Variants in ASMT observed in about 807,000 individuals in gnomAD.
The protein encoded by ASMT is acetylserotonin N-methyltransferase.
In ASMT, 53 loss-of-function variants were observed where a neutral mutation model predicts 41.3. That is an observed-to-expected ratio of 1.28 (90% CI 1.03 to 1.61). The LOEUF (loss-of-function observed/expected upper bound fraction) is 1.61. Among genes scored for constraint, ASMT ranks in the 40% most tolerant of loss-of-function variants. The probability of loss-of-function intolerance (pLI) is 0.00; values close to 1 mark genes in which losing one functional copy is unlikely to be tolerated. For synonymous variants in ASMT, 231 were observed against 184.8 expected (o/e 1.25, Z -2.03); for missense variants, 531 against 441.3 (o/e 1.20, Z -1.82).
intron 7 of ASMT, 157 bp from the exon 8 acceptor site, chrX:1,636,281 A>T: frequency 1.8e-6 from 2 of 1,100,374 alleles, no homozygotes; most frequent in Non-Finnish European, 2.8e-6. Context: ...TCTTTCTCCT[A>T]AGCCTTTTTG....
At chrX:1,627,334 A>G (rs1430483632) in intron 3 of ASMT, among the ~76,000 whole-genome samples, 1 of 139,660 alleles carries the variant, frequency 7.2e-6, no homozygotes, top group Non-Finnish European at 1.5e-5. Context: ...TCCTAAAATA[A>G]AATAAGGCCA....
At position 1,629,879 on chromosome X, in the gene ASMT, G is replaced by C; in HGVS notation, c.502G>C (p.Gly168Arg). ...QALQEVWSVN[G>R]RSVLTAFDLS... ...TCTGCAGGAGGTCTGGAGCGTCAAC[G>C]GGAGAAGCGTGCTGACCGCCTTTGA... Residue 168 changes from glycine to arginine, a missense_variant, in exon 5 of 9, where the codon GGG (glycine) becomes CGG (arginine). By Grantham distance (125) the Gly-to-Arg change is moderately radical (BLOSUM62 -2). Transcript: ENST00000381241. The C allele has an allele frequency of 6.2e-7, 1 of 1,613,960 alleles. No individual in the cohort carries two copies. Among genetic ancestry groups the C allele is most frequent in the East Asian group, 2.2e-5 (1 of 44,886 alleles).
chrX:1,630,786 G>A (rs1233179665), intron 5 of ASMT, among the ~76,000 whole-genome samples: 2 of 151,954 alleles, frequency 1.3e-5, no homozygotes, highest in Non-Finnish European at 2.9e-5. Context: ...TCAGACTCCT[G>A]GGCTCATGCA....
At chrX:1,625,503 G>A (rs772706273) in intron 3 of ASMT, among the ~76,000 whole-genome samples, 36 of 126,504 alleles carry the variant, frequency 2.8e-4, no homozygotes, top group Admixed American at 9.6e-5. Flanking sequence ...TCAGAAAGAA[G>A]GAAACAGAAA....
In ASMT at chrX:1,615,068, C is replaced by A; in HGVS notation, c.-132C>A. Reference sequence around the variant, plus strand: ...AGAGTGATCCGTCTTTGTTTGAGTACTGGGCAGGCAGCAGGGAGAGTCAGG... The same window carrying A: ...AGAGTGATCCGTCTTTGTTTGAGTAATGGGCAGGCAGCAGGGAGAGTCAGG... On this transcript the variant is annotated 5_prime_UTR_variant, in exon 1 of 9. It adds an upstream start codon to the 5' untranslated region. Coordinates refer to ENST00000381241, the MANE Select transcript of ASMT (RefSeq NM_001171038.2). The A allele has an allele frequency of 2.6e-6, 2 of 762,052 alleles. No individual in the cohort carries two copies. Among genetic ancestry groups the A allele is most frequent in the African/African-American group, 1.7e-5 (1 of 58,392 alleles). 47.2% of individuals were successfully genotyped at this position (762,052 alleles called of 1,614,324 possible). A position where few individuals can be genotyped will look rare whatever the true frequency, so the allele number is the denominator to read the frequency against.
intron 3 of ASMT, among the ~76,000 whole-genome samples, 180 bp from the exon 4 acceptor site, chrX:1,627,523 A>C (rs1200308203): frequency 1.3e-5 from 2 of 151,912 alleles, no homozygotes; most frequent in East Asian, 3.9e-4. Flanking sequence ...CGGGAGGCTG[A>C]GGCAGGAGAA....
chrX:1,615,405 C>T (rs767228302), intron 1 of ASMT, 137 bp downstream of exon 1: 24 of 906,668 alleles, frequency 2.6e-5, no homozygotes, highest in Middle Eastern at 2.5e-4. Context: ...AGACGTACAC[C>T]CACGATGTAG....
chrX:1,615,393 A>T (rs1701869771), intron 1 of ASMT, 125 bp downstream of exon 1: 1 of 978,334 alleles, frequency 1.0e-6, no homozygotes, highest in African/African-American at 1.6e-5. Flanking sequence ...TTCCACCGTG[A>T]AAGACGTACA....
Position 1,622,359 on chromosome X carries a change from C to T in ASMT, c.70-780C>T, listed in dbSNP as rs1466820843. The stretch of plus-strand genomic sequence containing the variant: ...GGCTTGGAGTGCAGTGGTGAGATCT[C>T]GGCTCACTGCAACCTCCGCTTAGCA... On this transcript the variant is annotated intron_variant, in intron 1 of 8. Coordinates refer to ENST00000381241, the MANE Select transcript of ASMT (RefSeq NM_001171038.2). 4.7e-5 allele frequency among the ~76,000 whole-genome samples: 7 copies of T among 147,738 alleles called. No individual in the cohort carries two copies. The South Asian group carries it at 6.5e-4, about 14-fold the overall frequency.
intron 1 of ASMT, among the ~76,000 whole-genome samples, chrX:1,615,847 G>A (rs28633458): frequency 0.28 from 42,612 of 151,458 alleles, 6,050 homozygotes; most frequent in Middle Eastern, 0.39. Flanking sequence ...CAAAGCTTAA[G>A]ATGAAATACA....
rs181155592 is a variant in ASMT at position 1,626,686 on chromosome X, G to C, written c.375-1017G>C. 8.5e-5 allele frequency among the ~76,000 whole-genome samples: 13 copies of C among 152,272 alleles called. No individual in the cohort carries two copies. In the East Asian group the frequency reaches 1.7e-3, roughly 20 times the overall value. On this transcript the variant is annotated intron_variant, in intron 3 of 8. Transcript: ENST00000381241. ...GCCCCTTAGATAAGAATTTGGGCAA[G>C]GAAGAAAAAGGTCACGTGTAACAAT...
chrX:1,641,768 CTG>C (rs1935182436), intron 8 of ASMT, among the ~76,000 whole-genome samples: 1 of 144,698 alleles, frequency 6.9e-6, no homozygotes, highest in African/African-American at 2.6e-5. Context: ...CACAGCCTCT[CTG>C]TGTGTGATAA....
chrX:1,631,312 G>A (rs566377444), intron 5 of ASMT, among the ~76,000 whole-genome samples: 2 of 151,252 alleles, frequency 1.3e-5, no homozygotes, highest in Non-Finnish European at 3.0e-5. Flanking sequence ...GCCTCCCAGA[G>A]TGAGTGATGG....
chrX:1,626,234 C>CT (rs34658281), intron 3 of ASMT, among the ~76,000 whole-genome samples: 5,927 of 127,164 alleles, frequency 0.047, 165 homozygotes, highest in Non-Finnish European at 0.064. Context: ...TTTTTATTTC[C>CT]TTTTTTTTTT....
At chrX:1,627,921 C>A in intron 4 of ASMT, 150 bp downstream of exon 4, 3 of 793,528 alleles carry the variant, frequency 3.8e-6, no homozygotes, top group Non-Finnish European at 6.6e-6. Flanking sequence ...CCCACTACTA[C>A]CCCAGATTTT....
intron 1 of ASMT, among the ~76,000 whole-genome samples, chrX:1,619,603 G>A (rs1191617591): frequency 7.0e-6 from 1 of 143,438 alleles, no homozygotes; most frequent in African/African-American, 2.7e-5. Flanking sequence ...GTCTTTGGGA[G>A]CAGAAAAAAA....
At position 1,640,567 on chromosome X, in the gene ASMT, GATCCATCCATCCT is replaced by G. The variant is rs1935109911; in HGVS notation, c.911-2235_911-2223del. Among the ~76,000 whole-genome samples the G allele has an allele frequency of 5.8e-5, 3 of 51,420 alleles. No individual in the cohort carries two copies. In the Admixed American group the frequency reaches 6.1e-4, roughly 11 times the overall value. The allele number at this position is 51,420 out of a possible 152,430, so 33.7% of individuals were successfully genotyped here. ...GGGACAGTGTCCCAGTGTCCTGTGA[GATCCATCCATCCT>G]GATGGCACATGAGGATGTGGGCACA... On this transcript the variant is annotated intron_variant, in intron 8 of 8. Coordinates refer to ENST00000381241, the MANE Select transcript of ASMT (RefSeq NM_001171038.2).
intron 1 of ASMT, among the ~76,000 whole-genome samples, chrX:1,617,511 T>A (rs1334039449): frequency 3.3e-5 from 5 of 151,750 alleles, no homozygotes; most frequent in African/African-American, 1.2e-4. Flanking sequence ...TGAAAGGGGG[T>A]CGTGTGCTGA....
At chrX:1,616,130 G>C (rs765441572) in intron 1 of ASMT, among the ~76,000 whole-genome samples, 1 of 151,092 alleles carries the variant, frequency 6.6e-6, no homozygotes, top group East Asian at 1.9e-4. Context: ...CAGGGTTCAG[G>C]CTATTCTCCT....
Sources: gnomAD v4.1 joint callset for allele counts (sites outside exome capture counted in the v4.1 genomes callset) on GRCh38, gnomAD v4.1.1 for gene constraint, MANE v1.5 for transcripts, NCBI Gene and HGNC (gene_info 2026-07-23, HGNC 2026-07-21) for gene names.